Variants in FBXO43 observed in about 807,000 individuals in gnomAD.
The protein encoded by FBXO43 is F-box only protein 43.
In FBXO43, 22 loss-of-function variants were observed where a neutral mutation model predicts 56.7. That is an observed-to-expected ratio of 0.39 (90% confidence interval 0.28 to 0.55). The LOEUF (loss-of-function observed/expected upper bound fraction) is 0.55. Ranked by LOEUF, FBXO43 falls within the 20% of genes least tolerant of loss-of-function variation. FBXO43 has a pLI of 0.66. For synonymous variants in FBXO43, 306 were observed against 294.5 expected (o/e 1.04, Z -0.40); for missense variants, 733 against 814.9 (o/e 0.90, Z 1.22).
At chr8:100,137,814 C>T (rs565551242) in intron 2 of FBXO43, 147 bp from the exon 3 acceptor site, 1 of 619,788 alleles carries the variant, frequency 1.6e-6, no homozygotes, top group African/African-American at 1.9e-5. Context: ...GTGACTTGGT[C>T]AACATTGTTA....
Position 100,141,800 on chromosome 8 carries a change from A to AT in FBXO43, c.453dup (p.Cys152MetfsTer19), listed in dbSNP as rs762108976. The AT allele has an allele frequency of 1.3e-6, 2 of 1,582,438 alleles. No homozygotes were observed. Among genetic ancestry groups the AT allele is most frequent in the Non-Finnish European group, 1.7e-6 (2 of 1,167,644 alleles). ...ACATTCAACCTTCTGCGAGGTAAAC[A>AT]TTTTTTCCCACTGATTTTAGGTGTT... On this transcript the variant is annotated frameshift_variant, in exon 2 of 5. Transcript: ENST00000428847. LOFTEE classifies it high-confidence loss of function.
At position 100,142,027 on chromosome 8, in the gene FBXO43, C is replaced by T. The variant is rs370305458; in HGVS notation, c.227G>A (p.Ser76Asn). The change falls in exon 2 of 5, where the codon AGT becomes AAT. Residue 76 changes from serine (S) to asparagine (N), a missense_variant. Transcript: ENST00000428847. ...DFCSTSSFQD[S>N]GYNELKSCSF... ...ACAAGATTTTAACTCATTGTAGCCA[C>T]TATCTTGAAATGAAGATGTGGAACA... 6.2e-7 allele frequency: 1 copy of T among 1,613,892 alleles called. No homozygotes were observed. The highest frequency in any genetic ancestry group is 1.3e-5 in the African/African-American group (1 of 75,008).
intron 1 of FBXO43, among the ~76,000 whole-genome samples, chr8:100,142,470 T>C (rs1399472534): frequency 6.6e-6 from 1 of 152,188 alleles, no homozygotes; most frequent in Non-Finnish European, 1.5e-5. Flanking sequence ...GAAAAAAACC[T>C]AGAAGCATTA....
At chr8:100,148,151 AC>A (rs1479470432), upstream of FBXO43, among the ~76,000 whole-genome samples, 1 of 152,016 alleles carries the variant, frequency 6.6e-6, no homozygotes, top group Non-Finnish European at 1.5e-5. Flanking sequence ...AATCCACATA[AC>A]CCCAAAACCA....
In FBXO43 at chr8:100,141,112, G is replaced by A. The variant is rs770494083; in HGVS notation, c.1142C>T (p.Ser381Leu). 6 of 1,613,990 alleles carry A rather than the reference G, an allele frequency of 3.7e-6. 1 individual carries two copies. The highest frequency in any genetic ancestry group is 2.7e-5 in the African/African-American group (2 of 74,910). ...TIRKTRHLGR[S>L]RRLSTLREQS... Reference sequence around the variant, plus strand: ...TTCCCGAAGGGTGGACAGTCTTCTCGACCTTCCAAGATGTCTTGTCTTTCT... The same window carrying A: ...TTCCCGAAGGGTGGACAGTCTTCTCAACCTTCCAAGATGTCTTGTCTTTCT... The change falls in exon 2 of 5, where the codon TCG becomes TTG. Residue 381 changes from serine to leucine, a missense_variant. Coordinates refer to ENST00000428847, the MANE Select transcript of FBXO43 (RefSeq NM_001029860.4).
Position 100,141,376 on chromosome 8 carries a change from C to T in FBXO43, c.878G>A (p.Gly293Glu), listed in dbSNP as rs1245473772. The T allele has an allele frequency of 1.2e-6, 2 of 1,613,404 alleles. No individual in the cohort carries two copies. The highest frequency in any genetic ancestry group is 1.7e-6 in the Non-Finnish European group (2 of 1,180,006). ...AGTCACAAATATGTCCTCATCTGTT[C>T]CACAAGTTGTTCCACTAACAGAGGA... is the stretch of plus-strand genomic sequence containing the variant. ...LGSSVSGTTCGTDEDIFVTPI... is the reference protein window; with the variant it reads ...LGSSVSGTTCETDEDIFVTPI... The change falls in exon 2 of 5, where the codon GGA becomes GAA. Residue 293 changes from glycine to glutamate, a missense_variant. Coordinates refer to ENST00000428847, the MANE Select transcript of FBXO43 (RefSeq NM_001029860.4).
upstream of FBXO43, among the ~76,000 whole-genome samples, chr8:100,149,844 C>G (rs1016609471): frequency 2.0e-5 from 3 of 152,106 alleles, no homozygotes; most frequent in African/African-American, 7.2e-5. Context: ...TTTAAAATAG[C>G]TTCATTTTCT....
Position 100,135,238 on chromosome 8 carries a change from G to C in FBXO43, c.1675-874C>G, listed in dbSNP as rs148363461. 2.1e-3 allele frequency among the ~76,000 whole-genome samples: 321 copies of C among 151,232 alleles called. 1 individual carries two copies. The highest frequency in any genetic ancestry group is 3.6e-3 in the Non-Finnish European group (245 of 68,030). ...ATTATAGTCATAAGATAGGAGAAGA[G>C]AGAAAGGAATTCAGAGAGAGAGGGG... On this transcript the variant is annotated intron_variant, in intron 3 of 4. Coordinates refer to ENST00000428847, the MANE Select transcript of FBXO43 (RefSeq NM_001029860.4).
At chr8:100,138,808 C>T in intron 2 of FBXO43, among the ~76,000 whole-genome samples, 1 of 151,906 alleles carries the variant, frequency 6.6e-6, no homozygotes, top group East Asian at 1.9e-4. Flanking sequence ...GAGGCCAAGG[C>T]AGGAGGATTG....
chr8:100,136,854 G>A (rs1380469412), intron 3 of FBXO43: 1 of 152,310 alleles, frequency 6.6e-6, no homozygotes, highest in Middle Eastern at 3.4e-3. Context: ...TGCTCCAAAA[G>A]AGCAGGAACC....
At chr8:100,139,572 C>T (rs112820209) in intron 2 of FBXO43, among the ~76,000 whole-genome samples, 48 of 152,324 alleles carry the variant, frequency 3.2e-4, no homozygotes, top group Non-Finnish European at 6.2e-4. Context: ...CATGACTTCT[C>T]TCCTTCATTG....
At chr8:100,134,808 A>AT (rs1011095829) in intron 3 of FBXO43, among the ~76,000 whole-genome samples, 23 of 152,108 alleles carry the variant, frequency 1.5e-4, no homozygotes, top group African/African-American at 3.9e-4. Context: ...TTCTTTTATA[A>AT]TTTTTTTTGT....
intron 3 of FBXO43, among the ~76,000 whole-genome samples, chr8:100,135,650 G>T (rs1814447353): frequency 6.6e-6 from 1 of 151,836 alleles, no homozygotes; most frequent in East Asian, 1.9e-4. Context: ...TGTCATCCAG[G>T]CTGGAGTGCA....
chr8:100,141,572 A>G lies in FBXO43; in HGVS notation c.682T>C (p.Ser228Pro), dbSNP rs373258172. 1 of 1,611,648 alleles carries G rather than the reference A, an allele frequency of 6.2e-7. No individual in the cohort carries two copies. Among genetic ancestry groups the G allele is most frequent in the Admixed American group, 1.7e-5 (1 of 60,016 alleles). Residue 228 changes from serine (S) to proline (P), a missense_variant, in exon 2 of 5, where the codon TCT (serine) becomes CCT (proline). By Grantham distance (74) the Ser-to-Pro change is moderately conservative. Coordinates refer to ENST00000428847, the MANE Select transcript of FBXO43 (RefSeq NM_001029860.4). ...SCSQKLRLNF[S>P]QQKTSTIDDS... ...TCAATTGTGGAAGTCTTTTGCTGAG[A>G]AAAATTAAGCCTCAATTTTTGACTG...
Position 100,134,348 on chromosome 8 carries a change from A to G in FBXO43, c.1691T>C (p.Val564Ala). 1.2e-6 allele frequency: 2 copies of G among 1,613,498 alleles called. No homozygotes were observed. The highest frequency in any genetic ancestry group is 1.7e-6 in the Non-Finnish European group (2 of 1,180,018). Residue 564 changes from valine to alanine, a missense_variant, in exon 4 of 5, where the codon GTC (valine) becomes GCC (alanine). Physicochemically the swap from Val to Ala is moderately conservative, Grantham distance 64 (BLOSUM62 0). Transcript: ENST00000428847. ...CTGGAGCCGAGTGGCAGCATCCTCG[A>G]CATTTAATACAGCCCCCTGTGGTAA... ...KTDSEGAVLN[V>A]EDAATRLQLL... is the part of the protein sequence containing the mutation.
chr8:100,134,219 G>A lies in FBXO43; in HGVS notation c.1820C>T (p.Thr607Ile). 1.2e-6 allele frequency: 2 copies of A among 1,614,140 alleles called. No homozygotes were observed. Among genetic ancestry groups the A allele is most frequent in the South Asian group, 2.2e-5 (2 of 91,086 alleles). Residue 607 changes from threonine (T) to isoleucine (I), a missense_variant, in exon 4 of 5, where the codon ACA (threonine) becomes ATA (isoleucine). Coordinates refer to ENST00000428847, the MANE Select transcript of FBXO43 (RefSeq NM_001029860.4). ...AGTAACAGAAGAGCTTGCTAGAGGT[G>A]TCAAAACTTCTCCCCAGGGAGATAA... ...STLSPWGEVL[T>I]PLASSSVTHL...
At chr8:100,149,882 G>A (rs1173062648), upstream of FBXO43, among the ~76,000 whole-genome samples, 1 of 151,996 alleles carries the variant, frequency 6.6e-6, no homozygotes, top group Non-Finnish European at 1.5e-5. Flanking sequence ...ATATCTTCTG[G>A]AAAAAAAGGA....
upstream of FBXO43, among the ~76,000 whole-genome samples, chr8:100,149,248 C>T (rs1192882706): frequency 6.6e-6 from 1 of 152,164 alleles, no homozygotes; most frequent in East Asian, 1.9e-4. Context: ...GGCCCCAGGA[C>T]CCATTTGTAT....
At chr8:100,137,105 GGAGT>G (rs1321161138) in intron 3 of FBXO43, 2 of 153,266 alleles carry the variant, frequency 1.3e-5, no homozygotes, top group African/African-American at 4.8e-5. Flanking sequence ...CGCCCAGGCT[GGAGT>G]GCAGTGGCGC....
Sources: allele counts gnomAD v4.1 joint callset (sites outside exome capture counted in the v4.1 genomes callset), GRCh38; gene constraint gnomAD v4.1.1; transcripts MANE v1.5; gene names NCBI Gene and HGNC (gene_info 2026-07-23, HGNC 2026-07-21).